MUC3A: variants seen among roughly 807,000 people sequenced by gnomAD.
The protein encoded by MUC3A is mucin 3A, cell surface associated.
Under a neutral mutation model 109.0 loss-of-function variants are expected in MUC3A, and 109 were observed. The observed-to-expected ratio is 1.00, with a 90% confidence interval of 0.86 to 1.17. The LOEUF (loss-of-function observed/expected upper bound fraction) is 1.17. Ranked by LOEUF, MUC3A falls within the 50% of genes most tolerant of loss-of-function variation. The pLI is 0.00. For missense variants in MUC3A, 3,537 were observed against 2,469.4 expected, an observed-to-expected ratio of 1.43 and a Z score of -9.16; for synonymous variants, 1,398 against 981.4, an observed-to-expected ratio of 1.42 and a Z score of -7.93.
Position 100,957,634 on chromosome 7 carries a change from C to T in MUC3A, c.5855C>T (p.Ser1952Leu), listed in dbSNP as rs1016079560. 51 of 1,586,586 alleles carry T rather than the reference C, an allele frequency of 3.2e-5. No individual in the cohort carries two copies. The African/African-American group carries it at 6.5e-4, about 20-fold the overall frequency. ...TCAATCACCAATACCAAGACCACCT[C>T]ACACAGCTCTCCCAGCTTCACTTCT... is the stretch of plus-strand genomic sequence containing the variant. ...TSSITNTKTT[S>L]HSSPSFTSSI... The change falls in exon 2 of 12, where the codon TCA becomes TTA. Residue 1952 changes from serine to leucine, a missense_variant. By Grantham distance (145) the Ser-to-Leu change is moderately radical. Coordinates refer to ENST00000379458, the MANE Select transcript of MUC3A (RefSeq NM_005960.2).
In MUC3A at chr7:100,966,892, T is replaced by G. The variant is rs1274154391; in HGVS notation, c.9878-7T>G. The G allele has an allele frequency of 5.6e-6, 9 of 1,598,410 alleles. No homozygotes were observed. Among genetic ancestry groups the G allele is most frequent in the African/African-American group, 1.3e-5 (1 of 74,964 alleles). ...CCTTCTCTTTCTCCGCTCCTCTCTC[T>G]CTCTAGACAAGGATACAAATTTCTA... On this transcript the variant is annotated splice_region_variant and splice_polypyrimidine_tract_variant and intron_variant, in intron 10 of 11. Coordinates refer to ENST00000379458, the MANE Select transcript of MUC3A (RefSeq NM_005960.2).
At position 100,960,151 on chromosome 7, in the gene MUC3A, C is replaced by A. The variant is rs752689242; in HGVS notation, c.8372C>A (p.Pro2791His). The part of the protein sequence containing the change: ...SPTDPCVEMD[P>H]STEATSPPTT... ...ACTGATCCATGTGTTGAAATGGATC[C>A]CAGCACTGAAGCTACTTCTCCTCCC... Residue 2791 changes from proline to histidine, a missense_variant, in exon 2 of 12, where the codon CCC becomes CAC. Coordinates refer to ENST00000379458, the MANE Select transcript of MUC3A (RefSeq NM_005960.2). 7.0e-6 allele frequency: 11 copies of A among 1,561,578 alleles called. No individual in the cohort carries two copies. In the South Asian group the frequency reaches 1.2e-4, roughly 17 times the overall value.
At position 100,957,578 on chromosome 7, in the gene MUC3A, C is replaced by T; in HGVS notation, c.5799C>T (p.Thr1933=). 1.4e-6 allele frequency: 2 copies of T among 1,412,128 alleles called. No individual in the cohort carries two copies. The highest frequency in any genetic ancestry group is 2.3e-5 in the Admixed American group (1 of 42,626). The allele number at this position is 1,412,128 out of a possible 1,614,324, so 87.5% of individuals were successfully genotyped here. The change falls in exon 2 of 12, where the codon ACC becomes ACT. Residue 1933 remains threonine, a synonymous_variant. Transcript: ENST00000379458. ...RFTSSITTTE[T]PSHSTPRFTS... ...CTTCTTCAATCACCACTACCGAGAC[C>T]CCCTCACACAGTACTCCCAGATTCA...
Position 100,966,446 on chromosome 7 carries a change from G to A in MUC3A, c.9672G>A (p.Trp3224Ter). ...SGPRCEVAVH[W>*]RALVGGLTAG... ...CGCGCTGCGAGGTGGCCGTCCACTG[G>A]AGGGCGCTGGTCGGGGGCCTGACGG... Residue 3224 changes from tryptophan to a stop codon, truncating the protein, a stop_gained, in exon 9 of 12, where the codon TGG becomes TGA. Coordinates refer to ENST00000379458, the MANE Select transcript of MUC3A (RefSeq NM_005960.2). LOFTEE classifies it high-confidence loss of function. The A allele has an allele frequency of 7.4e-7, 1 of 1,350,320 alleles. No homozygotes were observed. The highest frequency in any genetic ancestry group is 9.4e-7 in the Non-Finnish European group (1 of 1,058,990). 83.6% of individuals were successfully genotyped at this position (1,350,320 alleles called of 1,614,324 possible). A position where few individuals can be genotyped will look rare whatever the true frequency, so the allele number is the denominator to read the frequency against.
rs1412967675 is a variant in MUC3A at position 100,964,823 on chromosome 7, A to G, written c.9362A>G (p.Asn3121Ser). ...EGLQNASQDV[N>S]SCQDSQTLCF... Reference sequence around the variant, plus strand: ...CTGCAGAACGCCAGCCAGGATGTGAACAGCTGCCAGGACTCCCAGAGTGAG... The same window carrying G: ...CTGCAGAACGCCAGCCAGGATGTGAGCAGCTGCCAGGACTCCCAGAGTGAG... The change falls in exon 6 of 12, where the codon AAC becomes AGC. Residue 3121 changes from asparagine to serine, a missense_variant. Asn to Ser is a conservative substitution (Grantham distance 46). Transcript: ENST00000379458. The G allele has an allele frequency of 6.3e-7, 1 of 1,597,878 alleles. No individual in the cohort carries two copies. The highest frequency in any genetic ancestry group is 1.3e-5 in the African/African-American group (1 of 74,954).
Position 100,956,285 on chromosome 7 carries a change from C to G in MUC3A, c.4506C>G (p.Val1502=), listed in dbSNP as rs891749006. 104 of 578,754 alleles carry G rather than the reference C, an allele frequency of 1.8e-4. 1 individual carries two copies. The highest frequency in any genetic ancestry group is 5.4e-4 in the Middle Eastern group (2 of 3,732). 35.9% of individuals were successfully genotyped at this position (578,754 alleles called of 1,614,324 possible). A position where few individuals can be genotyped will look rare whatever the true frequency, so the allele number is the denominator to read the frequency against. ...CTCTTCCACCCACCTCTTCCTTGGT[C>G]TCAACCGCAGAAACAGCCAAAACTC... ...ATSLPPTSSL[V]STAETAKTPT... The change falls in exon 2 of 12, where the codon GTC becomes GTG. Residue 1502 remains valine (V), a synonymous_variant. Transcript: ENST00000379458.
chr7:100,962,484 A>C (rs1411101680), intron 3 of MUC3A, among the ~76,000 whole-genome samples: 1 of 152,312 alleles, frequency 6.6e-6, no homozygotes, highest in Non-Finnish European at 1.5e-5. Flanking sequence ...CTCCCTTGCC[A>C]TGTAGTATAG....
chr7:100,958,281 ACGGAGACCACCTCACACAGGTGGG>A lies in MUC3A; in HGVS notation c.6503_6526del (p.Thr2168_Gly2176delinsArg), dbSNP rs1792155301. On this transcript the variant is annotated inframe_deletion, in exon 2 of 12. Coordinates refer to ENST00000379458, the MANE Select transcript of MUC3A (RefSeq NM_005960.2). ...CAGCTTCACTTCTTTGATCACCACC[ACGGAGACCACCTCACACAGGTGGG>A]GGACCACCGAGACCACATCCTACAG... is the stretch of plus-strand genomic sequence containing the variant. The A allele has an allele frequency of 8.8e-7, 1 of 1,139,576 alleles. No homozygotes were observed. Among genetic ancestry groups the A allele is most frequent in the Non-Finnish European group, 1.1e-6 (1 of 875,162 alleles). The allele number at this position is 1,139,576 out of a possible 1,614,324, so 70.6% of individuals were successfully genotyped here. A position where few individuals can be genotyped will look rare whatever the true frequency, so the allele number is the denominator to read the frequency against.
rs1215029128 is a variant in MUC3A, at chr7:100,952,019, C to T, written c.240C>T (p.Thr80=). 2.5e-6 allele frequency: 4 copies of T among 1,598,662 alleles called. No individual in the cohort carries two copies. Among genetic ancestry groups the T allele is most frequent in the Non-Finnish European group, 3.4e-6 (4 of 1,179,806 alleles). The change falls in exon 2 of 12, where the codon ACC becomes ACT. Residue 80 remains threonine, a synonymous_variant. Transcript: ENST00000379458. ...AAAATGCACCTATGACACTCACTAC[C>T]TCCCCCCATGACACACTCATCTCTG... ...HRENAPMTLT[T]SPHDTLISET...
rs770038698 is a variant in MUC3A at position 100,967,138 on chromosome 7, C to T, written c.9948C>T (p.Pro3316=). The T allele has an allele frequency of 1.3e-6, 2 of 1,598,548 alleles. No individual in the cohort carries two copies. The highest frequency in any genetic ancestry group is 1.1e-5 in the South Asian group (1 of 91,092). ...DTTMKVHIKR[P]EMTSSSV The stretch of plus-strand genomic sequence containing the variant: ...TCTGACAGGTGCACATCAAGAGACC[C>T]GAGATGACCTCGTCCTCAGTGTGAG... Residue 3316 remains proline (P), a synonymous_variant, in exon 12 of 12, where the codon CCC becomes CCT. Coordinates refer to ENST00000379458, the MANE Select transcript of MUC3A (RefSeq NM_005960.2).
Position 100,967,923 on chromosome 7 carries a change from TC to T in MUC3A, c.*762del, listed in dbSNP as rs2116234079. 1 of 157,252 alleles carries T rather than the reference TC, an allele frequency of 6.4e-6. No homozygotes were observed. The highest frequency in any genetic ancestry group is 1.4e-5 in the Non-Finnish European group (1 of 71,332). 9.7% of individuals were successfully genotyped at this position (157,252 alleles called of 1,614,324 possible). On this transcript the variant is annotated 3_prime_UTR_variant, in exon 12 of 12. Coordinates refer to ENST00000379458, the MANE Select transcript of MUC3A (RefSeq NM_005960.2). ...CTCTCATTCCTTGTATCTTCTCCCT[TC>T]TGAGCCCGTCCATTCATCGGTTCTG...
In MUC3A at chr7:100,954,558, A is replaced by G. The variant is rs1792052557; in HGVS notation, c.2779A>G (p.Ile927Val). Reference sequence around the variant, plus strand: ...TGCTGGGACCACTCACACAGAGAGTATCTCCTCACCTCGAGGCACCACCAG... The same window carrying G: ...TGCTGGGACCACTCACACAGAGAGTGTCTCCTCACCTCGAGGCACCACCAG... ...SSAGTTHTES[I>V]SSPRGTTSTL... Residue 927 changes from isoleucine to valine, a missense_variant, in exon 2 of 12, where the codon ATC becomes GTC. Coordinates refer to ENST00000379458, the MANE Select transcript of MUC3A (RefSeq NM_005960.2). 7.5e-6 allele frequency: 3 copies of G among 400,424 alleles called. No homozygotes were observed. Among genetic ancestry groups the G allele is most frequent in the Non-Finnish European group, 1.3e-5 (3 of 227,476 alleles). 24.8% of individuals were successfully genotyped at this position (400,424 alleles called of 1,614,324 possible). A position where few individuals can be genotyped will look rare whatever the true frequency, so the allele number is the denominator to read the frequency against.
At position 100,954,360 on chromosome 7, in the gene MUC3A, C is replaced by G. The variant is rs1792048803; in HGVS notation, c.2581C>G (p.Pro861Ala). 9.9e-6 allele frequency: 4 copies of G among 403,610 alleles called. No homozygotes were observed. Among genetic ancestry groups the G allele is most frequent in the Admixed American group, 8.8e-5 (2 of 22,806 alleles). The allele number at this position is 403,610 out of a possible 1,614,324, so 25.0% of individuals were successfully genotyped here. A position where few individuals can be genotyped will look rare whatever the true frequency, so the allele number is the denominator to read the frequency against. The stretch of plus-strand genomic sequence containing the variant: ...GTCTGCAAGGCCAACAACTGTCATT[C>G]CCTCATCTCCCACTGTCCAGAATAC... ...NMSARPTTVIPSSPTVQNTEI... is the reference protein window; with the variant it reads ...NMSARPTTVIASSPTVQNTEI... Residue 861 changes from proline to alanine, a missense_variant, in exon 2 of 12, where the codon CCC (proline) becomes GCC (alanine). Transcript: ENST00000379458.
rs587672912 is a variant in MUC3A at position 100,966,905 on chromosome 7, A to C, written c.9884A>C (p.Asp3295Ala). 6.3e-7 allele frequency: 1 copy of C among 1,598,538 alleles called. No individual in the cohort carries two copies. The highest frequency in any genetic ancestry group is 2.2e-5 in the East Asian group (1 of 44,888). ...WGFEDDGTDK[D>A]TNFYVALENV... Reference sequence around the variant, plus strand: ...CGCTCCTCTCTCTCTCTAGACAAGGATACAAATTTCTATGTGGCCTTGGAG... The same window carrying C: ...CGCTCCTCTCTCTCTCTAGACAAGGCTACAAATTTCTATGTGGCCTTGGAG... The change falls in exon 11 of 12, where the codon GAT becomes GCT. Residue 3295 changes from aspartate to alanine, a missense_variant. Physicochemically the swap from Asp to Ala is moderately radical, Grantham distance 126 (BLOSUM62 -2). Coordinates refer to ENST00000379458, the MANE Select transcript of MUC3A (RefSeq NM_005960.2).
chr7:100,958,320 A>C lies in MUC3A; in HGVS notation c.6541A>C (p.Thr2181Pro). ...ACACAGGTGGGGGACCACCGAGACCACATCCTACAGTACTCCCAGCTTCAC... is the reference window on the plus strand; with the variant it reads ...ACACAGGTGGGGGACCACCGAGACCCCATCCTACAGTACTCCCAGCTTCAC... ...TSHRWGTTET[T>P]SYSTPSFTSS... Residue 2181 changes from threonine (T) to proline (P), a missense_variant, in exon 2 of 12, where the codon ACA (threonine) becomes CCA (proline). Thr to Pro is a conservative substitution (Grantham distance 38). Transcript: ENST00000379458. The C allele has an allele frequency of 1.6e-4, 11 of 66,898 alleles. No homozygotes were observed. The highest frequency in any genetic ancestry group is 7.2e-4 in the Admixed American group (2 of 2,776). The allele number at this position is 66,898 out of a possible 1,614,324, so 4.1% of individuals were successfully genotyped here. A position where few individuals can be genotyped will look rare whatever the true frequency, so the allele number is the denominator to read the frequency against.
At chr7:100,962,230 TCAAAAAA>T (rs1792350250) in intron 3 of MUC3A, among the ~76,000 whole-genome samples, 1 of 974 alleles carries the variant, frequency 1.0e-3, no homozygotes, top group Non-Finnish European at 2.3e-3. Flanking sequence ...AGACTCCGTC[TCAAAAAA>T]AAAAAAAAAA....
rs1009546654 is a variant in MUC3A, at chr7:100,961,005, T to C, written c.9052+68T>C. 5.6e-6 allele frequency: 9 copies of C among 1,595,624 alleles called. No homozygotes were observed. In the African/African-American group the frequency reaches 6.7e-5, roughly 12 times the overall value. ...GTGTCACTGACTCTCCCCAGACTTA[T>C]CCCTCTGTGGGGCCTGGAGGCACCC... On this transcript the variant is annotated intron_variant, in intron 3 of 11. Coordinates refer to ENST00000379458, the MANE Select transcript of MUC3A (RefSeq NM_005960.2).
intron 8 of MUC3A, 107 bp from the exon 9 acceptor site, chr7:100,966,279 G>T: frequency 1.1e-6 from 1 of 878,558 alleles, no homozygotes; most frequent in Non-Finnish European, 1.4e-6. Flanking sequence ...ACCCCCCGCT[G>T]CCCTAGGCTG....
At position 100,956,457 on chromosome 7, in the gene MUC3A, A is replaced by C. The variant is rs961647214; in HGVS notation, c.4678A>C (p.Thr1560Pro). Reference sequence around the variant, plus strand: ...TACCTTGGGTACCATGGTGACTTCTACATCCATGATCCCATCTACTGTGAG... The same window carrying C: ...TACCTTGGGTACCATGGTGACTTCTCCATCCATGATCCCATCTACTGTGAG... ...PTTLGTMVTS[T>P]SMIPSTVSTG... Residue 1560 changes from threonine (T) to proline (P), a missense_variant, in exon 2 of 12, where the codon ACA (threonine) becomes CCA (proline). Coordinates refer to ENST00000379458, the MANE Select transcript of MUC3A (RefSeq NM_005960.2). 1,522 of 626,866 alleles carry C rather than the reference A, an allele frequency of 2.4e-3. 12 individuals carry two copies. The South Asian group carries it at 0.03, about 12-fold the overall frequency. 38.8% of individuals were successfully genotyped at this position (626,866 alleles called of 1,614,324 possible). A position where few individuals can be genotyped will look rare whatever the true frequency, so the allele number is the denominator to read the frequency against.
Sources: gnomAD v4.1 joint callset for allele counts (sites outside exome capture counted in the v4.1 genomes callset) on GRCh38, gnomAD v4.1.1 for gene constraint, MANE v1.5 for transcripts, NCBI Gene and HGNC (gene_info 2026-07-23, HGNC 2026-07-21) for gene names.